BAIAP2: variants seen among roughly 807,000 people sequenced by gnomAD.
BAIAP2 encodes BAR/IMD domain-containing adapter protein 2.
BAIAP2 carries 18 observed loss-of-function variants against 63.0 expected under a neutral mutation model. That is an observed-to-expected ratio of 0.29 (90% confidence interval 0.20 to 0.42). BAIAP2 has a LOEUF of 0.42. BAIAP2 is among the 10% of genes least tolerant of loss of function. BAIAP2 has a pLI of 1.00. For missense variants in BAIAP2, 610 were observed against 734.3 expected (o/e 0.83, Z 1.96); for synonymous variants, 386 against 307.6 (o/e 1.25, Z -2.67).
At position 81,116,169 on chromosome 17, in the gene BAIAP2, G is replaced by T; in HGVS notation, c.*330G>T. 6.2e-7 allele frequency: 1 copy of T among 1,604,912 alleles called. No individual in the cohort carries two copies. ...GGACATTTGGCCAGCTGGTGGCTGG[G>T]AGGGGAGCCTGGCTGCCCTGCTGCT... On this transcript the variant is annotated 3_prime_UTR_variant, in exon 14 of 14. Transcript: ENST00000428708.
chr17:81,108,181 C>G (rs113276051), intron 12 of BAIAP2: 2 of 487,268 alleles, frequency 4.1e-6, no homozygotes, highest in African/African-American at 2.0e-5. Flanking sequence ...GAGGAGGGGT[C>G]TCAGGCGGCC....
At chr17:81,092,682 G>C (rs553978546) in intron 6 of BAIAP2, among the ~76,000 whole-genome samples, 1 of 152,236 alleles carries the variant, frequency 6.6e-6, no homozygotes, top group Non-Finnish European at 1.5e-5. Flanking sequence ...TAAGGGGCCC[G>C]GCCCGGAGCA....
chr17:81,060,292 C>T (rs2050323459), intron 3 of BAIAP2, among the ~76,000 whole-genome samples: 1 of 151,014 alleles, frequency 6.6e-6, no homozygotes, highest in Admixed American at 6.6e-5. Context: ...ATTTTTATCA[C>T]CCCAAAGCGT....
At chr17:81,051,324 C>T (rs143663826) in intron 1 of BAIAP2, among the ~76,000 whole-genome samples, 19 of 152,354 alleles carry the variant, frequency 1.2e-4, no homozygotes, top group African/African-American at 3.8e-4. Context: ...TCCCAGCATA[C>T]GCCAGGGCCC....
At chr17:81,048,963 C>T (rs553931919) in intron 1 of BAIAP2, among the ~76,000 whole-genome samples, 6 of 152,174 alleles carry the variant, frequency 3.9e-5, no homozygotes, top group African/African-American at 1.2e-4. Context: ...TGGGCCGGAC[C>T]GCCTTCATGG....
At chr17:81,065,013 C>T (rs1313154689) in intron 3 of BAIAP2, among the ~76,000 whole-genome samples, 1 of 152,216 alleles carries the variant, frequency 6.6e-6, no homozygotes, top group Non-Finnish European at 1.5e-5. Context: ...GGTGTTTCTC[C>T]CTTCCAGCTC....
chr17:81,057,183 G>C (rs1378130244), intron 2 of BAIAP2, among the ~76,000 whole-genome samples: 2 of 152,216 alleles, frequency 1.3e-5, no homozygotes, highest in Non-Finnish European at 2.9e-5. Flanking sequence ...GGGGCTCCCT[G>C]TCAGGTGGAG....
At chr17:81,079,658 T>C (rs961408353) in intron 3 of BAIAP2, among the ~76,000 whole-genome samples, 3 of 152,176 alleles carry the variant, frequency 2.0e-5, no homozygotes, top group Admixed American at 2.0e-4. Context: ...GGCCACCTGC[T>C]TTCCATCACC....
intron 13 of BAIAP2, among the ~76,000 whole-genome samples, chr17:81,114,083 G>GC (rs1047517465): frequency 5.2e-4 from 76 of 147,256 alleles, no homozygotes; most frequent in African/African-American, 1.7e-3. Context: ...TCCCACTTCA[G>GC]CCCCCCATGG....
chr17:81,084,966 G>A (rs963657676), intron 4 of BAIAP2, 73 bp downstream of exon 4: 55 of 1,481,204 alleles, frequency 3.7e-5, no homozygotes, highest in African/African-American at 1.4e-4. Flanking sequence ...CACCTTGGCC[G>A]TGTGTCCACT....
intron 1 of BAIAP2, among the ~76,000 whole-genome samples, chr17:81,045,355 G>A (rs113668363): frequency 0.031 from 4,672 of 152,314 alleles, 101 homozygotes; most frequent in South Asian, 0.089. Context: ...TCCCACAGGC[G>A]GAGGGCAGAA....
intron 3 of BAIAP2, among the ~76,000 whole-genome samples, chr17:81,075,420 G>A (rs2053491974): frequency 6.6e-6 from 1 of 152,224 alleles, no homozygotes; most frequent in South Asian, 2.1e-4. Flanking sequence ...GAAGCGATCG[G>A]AAGGAGCTCG....
intron 6 of BAIAP2, chr17:81,098,189 T>C: frequency 7.0e-7 from 1 of 1,435,622 alleles, no homozygotes; most frequent in Non-Finnish European, 9.2e-7. Flanking sequence ...ACAGCCCTGT[T>C]GGTCAGGTGA....
Position 81,116,238 on chromosome 17 carries a change from T to A in BAIAP2, c.*399T>A, listed in dbSNP as rs746311826. 3.1e-6 allele frequency: 5 copies of A among 1,612,642 alleles called. No homozygotes were observed. The highest frequency in any genetic ancestry group is 1.6e-4 in the Middle Eastern group (1 of 6,084). ...GGCTTCTCCTGCACCAGGTGTGATC[T>A]GTCCGCCCAAGGGCCAGAAGGCCGG... On this transcript the variant is annotated 3_prime_UTR_variant, in exon 14 of 14. Transcript: ENST00000428708.
intron 3 of BAIAP2, among the ~76,000 whole-genome samples, chr17:81,067,189 C>T (rs2051641396): frequency 6.6e-6 from 1 of 152,244 alleles, no homozygotes; most frequent in South Asian, 2.1e-4. Context: ...TTCCTCCCTC[C>T]CTACAGTAGG....
intron 1 of BAIAP2, among the ~76,000 whole-genome samples, 196 bp downstream of exon 1, chr17:81,035,504 GGT>G (rs1439310031): frequency 6.7e-6 from 1 of 148,850 alleles, no homozygotes; most frequent in African/African-American, 2.4e-5. Context: ...GCCGCTCACA[GGT>G]GGCCACCCCC....
chr17:81,101,400 G>A (rs2058463429), intron 7 of BAIAP2, among the ~76,000 whole-genome samples: 1 of 152,198 alleles, frequency 6.6e-6, no homozygotes, highest in African/African-American at 2.4e-5. Context: ...AACAGGCAGG[G>A]CCAGCAGGCC....
chr17:81,063,371 G>A (rs1598594261), intron 3 of BAIAP2, among the ~76,000 whole-genome samples: 2 of 152,186 alleles, frequency 1.3e-5, no homozygotes, highest in South Asian at 2.1e-4. Context: ...GGATGCCTTC[G>A]TTTTCACTGC....
At chr17:81,059,995 T>A (rs570018401) in intron 3 of BAIAP2, among the ~76,000 whole-genome samples, 10 of 152,236 alleles carry the variant, frequency 6.6e-5, no homozygotes, top group African/African-American at 2.4e-4. Flanking sequence ...GGAGGGAAGC[T>A]TCAGAAGAGA....
Sources: gnomAD v4.1 joint callset for allele counts (sites outside exome capture counted in the v4.1 genomes callset) on GRCh38, gnomAD v4.1.1 for gene constraint, MANE v1.5 for transcripts, NCBI Gene and HGNC (gene_info 2026-07-23, HGNC 2026-07-21) for gene names.